The following SLC4A7 variants were observed in gnomAD, a reference collection of about 807,000 sequenced individuals.
The protein encoded by SLC4A7 is solute carrier family 4 member 7, also known as sodium bicarbonate cotransporter 3.
A neutral mutation model predicts 137.6 loss-of-function variants in SLC4A7; 51 were observed. The ratio of observed to expected loss-of-function variants is 0.37; its 90% confidence interval spans 0.30 to 0.47. The LOEUF (loss-of-function observed/expected upper bound fraction) is 0.47, where lower values mean the gene tolerates loss of function less well. SLC4A7 is among the 20% of genes least tolerant of loss of function. The pLI is 1.00. For synonymous variants in SLC4A7, 542 were observed against 518.6 expected (o/e 1.05, Z -0.61); for missense variants, 1,247 against 1,525.4 (o/e 0.82, Z 3.04).
At chr3:27,453,727 T>A (rs1469933987) in intron 1 of SLC4A7, among the ~76,000 whole-genome samples, 4 of 152,232 alleles carry the variant, frequency 2.6e-5, no homozygotes, top group Admixed American at 2.0e-4. Context: ...AATTTTCAAA[T>A]AAATTCCTTG....
At chr3:27,461,659 G>C (rs913685804) in intron 1 of SLC4A7, among the ~76,000 whole-genome samples, 2 of 151,182 alleles carry the variant, frequency 1.3e-5, no homozygotes, top group Non-Finnish European at 3.0e-5. Context: ...TATAAAAATG[G>C]ATTAGGAATA....
At chr3:27,461,790 T>G (rs35575232) in intron 1 of SLC4A7, among the ~76,000 whole-genome samples, 28,071 of 146,750 alleles carry the variant, frequency 0.19, 2,975 homozygotes, top group Non-Finnish European at 0.25. Flanking sequence ...TGAAACCCCA[T>G]CTCCACCAAA....
chr3:27,391,668 T>C, intron 21 of SLC4A7, 72 bp downstream of exon 21: 1 of 857,790 alleles, frequency 1.2e-6, no homozygotes, highest in Non-Finnish European at 1.9e-6. Context: ...ATCACTACCA[T>C]CATTAAAACA....
rs755114444 is a variant in SLC4A7 at position 27,421,705 on chromosome 3, A to G, written c.1341T>C (p.Phe447=). ...CAAATGCAATTATTGGCCTTTCCAAAAAGTCTACTTCGCCCACCAGGACGT... is the reference window on the plus strand; with the variant it reads ...CAAATGCAATTATTGGCCTTTCCAAGAAGTCTACTTCGCCCACCAGGACGT... ...ASNVLVGEVD[F]LERPIIAFVR... Residue 447 remains phenylalanine (F), a synonymous_variant, in exon 9 of 26, where the codon TTT becomes TTC. Coordinates refer to ENST00000454389, the MANE Select transcript of SLC4A7 (RefSeq NM_001321103.2). The G allele has an allele frequency of 1.9e-6, 3 of 1,614,000 alleles. No homozygotes were observed. Among genetic ancestry groups the G allele is most frequent in the Non-Finnish European group, 2.5e-6 (3 of 1,179,926 alleles).
At chr3:27,461,086 T>C (rs1162801906) in intron 1 of SLC4A7, among the ~76,000 whole-genome samples, 3 of 152,180 alleles carry the variant, frequency 2.0e-5, no homozygotes, top group African/African-American at 7.2e-5. Context: ...TTCCACTGTC[T>C]ATAGGAAAAT....
rs556838747 is a variant in SLC4A7 at position 27,398,248 on chromosome 3, A to C, written c.2533T>G (p.Phe845Val). The C allele has an allele frequency of 6.2e-7, 1 of 1,613,380 alleles. No homozygotes were observed. The highest frequency in any genetic ancestry group is 1.3e-5 in the African/African-American group (1 of 75,038). Residue 845 changes from phenylalanine (F) to valine (V), a missense_variant, in exon 17 of 26, where the codon TTT becomes GTT. Phe to Val is a conservative substitution (Grantham distance 50, BLOSUM62 -1). Around this residue, in one of 6 missense-constraint regions of SLC4A7, gnomAD observed 499 missense variants for 664.2 expected, o/e 0.75. Transcript: ENST00000454389. ...TGCTTGAGGAATGAAGACAGAAAAAATGTTGTGAAAAACAAGATGACACAC... is the reference window on the plus strand; with the variant it reads ...TGCTTGAGGAATGAAGACAGAAAAACTGTTGTGAAAAACAAGATGACACAC... ...FWCVILFFTT[F>V]FLSSFLKQFK...
intron 1 of SLC4A7, among the ~76,000 whole-genome samples, chr3:27,466,762 CAGG>C (rs1316055763): frequency 1.3e-5 from 2 of 151,944 alleles, no homozygotes; most frequent in Admixed American, 6.6e-5. Context: ...GAGGCTGAGA[CAGG>C]AGAATTGCTT....
intron 12 of SLC4A7, 102 bp from the exon 13 acceptor site, chr3:27,409,632 T>C: frequency 1.3e-6 from 1 of 794,960 alleles, no homozygotes; most frequent in Non-Finnish European, 2.0e-6. Flanking sequence ...CCTAGGTGTT[T>C]TGTCAACAAA....
At chr3:27,471,399 T>A (rs1294325931) in intron 1 of SLC4A7, among the ~76,000 whole-genome samples, 1 of 151,984 alleles carries the variant, frequency 6.6e-6, no homozygotes, top group African/African-American at 2.4e-5. Flanking sequence ...GAGAACAAGG[T>A]GAAAGGGGGA....
chr3:27,394,402 T>C (rs1032364669), intron 20 of SLC4A7, 116 bp downstream of exon 20: 8 of 883,466 alleles, frequency 9.1e-6, no homozygotes, highest in African/African-American at 1.7e-5. Context: ...CCAAGTAAAC[T>C]GTGGAAAACA....
intron 17 of SLC4A7, 56 bp from the exon 18 acceptor site, chr3:27,397,853 A>T (rs886932058): frequency 4.1e-6 from 4 of 975,648 alleles, no homozygotes; most frequent in Non-Finnish European, 1.6e-6. Flanking sequence ...GTTCTTTCTA[A>T]ATAATTCACA....
chr3:27,406,834 T>C (rs1187638144), intron 13 of SLC4A7, among the ~76,000 whole-genome samples: 1 of 151,886 alleles, frequency 6.6e-6, no homozygotes, highest in African/African-American at 2.4e-5. Flanking sequence ...CCGGAGGTTA[T>C]GAGGGAAGTC....
In SLC4A7 at chr3:27,429,466, A is replaced by G. The variant is rs181004558; in HGVS notation, c.1150+1832T>C. Among the ~76,000 whole-genome samples the G allele has an allele frequency of 5.9e-5, 9 of 152,316 alleles. No homozygotes were observed. In the East Asian group the frequency reaches 1.4e-3, roughly 23 times the overall value. ...TTCCAAAACATAAATCCGAGTCTGT[A>G]TATGATTCCAGGCAGTCAGTCATTA... On this transcript the variant is annotated intron_variant, in intron 7 of 25. Coordinates refer to ENST00000454389, the MANE Select transcript of SLC4A7 (RefSeq NM_001321103.2).
intron 5 of SLC4A7, among the ~76,000 whole-genome samples, chr3:27,434,693 G>A (rs917791194): frequency 6.6e-6 from 1 of 151,858 alleles, no homozygotes; most frequent in East Asian, 2.0e-4. Context: ...GTGGGGAATG[G>A]GGAAACTGAT....
At chr3:27,449,963 T>C (rs1228032165) in intron 2 of SLC4A7, among the ~76,000 whole-genome samples, 1 of 152,180 alleles carries the variant, frequency 6.6e-6, no homozygotes. Flanking sequence ...ATTTGCGAAG[T>C]TGCTGACTCA....
At chr3:27,418,974 T>G (rs1010409068) in intron 10 of SLC4A7, among the ~76,000 whole-genome samples, 1 of 152,180 alleles carries the variant, frequency 6.6e-6, no homozygotes, top group African/African-American at 2.4e-5. Context: ...TCATTTATCC[T>G]AAGAAAATAA....
At chr3:27,463,784 G>A (rs1274020472) in intron 1 of SLC4A7, among the ~76,000 whole-genome samples, 1 of 152,130 alleles carries the variant, frequency 6.6e-6, no homozygotes, top group Non-Finnish European at 1.5e-5. Context: ...AATTCAATTG[G>A]TGAGATGGGC....
chr3:27,376,269 A>G lies in SLC4A7; in HGVS notation c.*495T>C, dbSNP rs2049890564. On this transcript the variant is annotated 3_prime_UTR_variant, in exon 26 of 26. Transcript: ENST00000454389. ...AGTTAGTGAAACACGATGGACATCTACAGAAATGAAACACAAATAGAGAAG... is the reference window on the plus strand; with the variant it reads ...AGTTAGTGAAACACGATGGACATCTGCAGAAATGAAACACAAATAGAGAAG... The G allele has an allele frequency of 6.6e-6, 1 of 152,218 alleles. No individual in the cohort carries two copies. Among genetic ancestry groups the G allele is most frequent in the Non-Finnish European group, 1.5e-5 (1 of 68,034 alleles). The allele number at this position is 152,218 out of a possible 1,614,324, so 9.4% of individuals were successfully genotyped here. A position where few individuals can be genotyped will look rare whatever the true frequency, so the allele number is the denominator to read the frequency against.
In SLC4A7 at chr3:27,376,727, G is replaced by T; in HGVS notation, c.*37C>A. On this transcript the variant is annotated 3_prime_UTR_variant, in exon 26 of 26. Transcript: ENST00000454389. ...GACATGATACGCACACATTACATAT[G>T]TATATATCTATATGTATAATGCCTC... 14 of 1,132,902 alleles carry T rather than the reference G, an allele frequency of 1.2e-5. No homozygotes were observed. The highest frequency in any genetic ancestry group is 1.9e-5 in the Non-Finnish European group (14 of 747,364). The allele number at this position is 1,132,902 out of a possible 1,614,324, so 70.2% of individuals were successfully genotyped here. A position where few individuals can be genotyped will look rare whatever the true frequency, so the allele number is the denominator to read the frequency against.
Sources: gnomAD v4.1 joint callset for allele counts (sites outside exome capture counted in the v4.1 genomes callset) on GRCh38, gnomAD v4.1.1 for gene constraint, gnomAD v4.1.1 regional missense constraint, MANE v1.5 for transcripts, NCBI Gene and HGNC (gene_info 2026-07-23, HGNC 2026-07-21) for gene names.